Variants in MYO1E observed in about 807,000 individuals in gnomAD.
The protein encoded by MYO1E is myosin IE, also known as unconventional myosin-Ie.
Under a neutral mutation model 151.1 loss-of-function variants are expected in MYO1E, and 68 were observed. The ratio of observed to expected loss-of-function variants is 0.45; its 90% CI spans 0.37 to 0.55. The LOEUF (loss-of-function observed/expected upper bound fraction) is 0.55, where lower values mean the gene tolerates loss of function less well. Among genes scored for constraint, MYO1E ranks in the 20% least tolerant of loss-of-function variants. The pLI is 0.00. For missense variants in MYO1E, 1,363 were observed against 1,389.3 expected (o/e 0.98, Z 0.30); for synonymous variants, 601 against 501.7 (o/e 1.20, Z -2.64).
intron 1 of MYO1E, among the ~76,000 whole-genome samples, chr15:59,293,631 T>C (rs1344521799): frequency 6.6e-6 from 1 of 152,158 alleles, no homozygotes; most frequent in East Asian, 1.9e-4. Context: ...ATCTAAAATA[T>C]TAAGCCCCTA....
chr15:59,252,526 C>A (rs1596385793), intron 4 of MYO1E, among the ~76,000 whole-genome samples: 1 of 152,106 alleles, frequency 6.6e-6, no homozygotes, highest in Non-Finnish European at 1.5e-5. Context: ...ACCAGCCTGG[C>A]CAACATGGGG....
intron 1 of MYO1E, among the ~76,000 whole-genome samples, chr15:59,321,334 T>C (rs746760467): frequency 3.3e-5 from 5 of 152,226 alleles, no homozygotes; most frequent in African/African-American, 4.8e-5. Context: ...TTACTGGGTA[T>C]ACATCGAAAA....
chr15:59,209,004 C>T, intron 13 of MYO1E, 156 bp from the exon 14 acceptor site: 2 of 885,072 alleles, frequency 2.3e-6, no homozygotes, highest in Non-Finnish European at 3.6e-6. Context: ...AATTAATAGT[C>T]CCAAATAGGG....
chr15:59,256,192 G>T, intron 4 of MYO1E, 92 bp downstream of exon 4: 1 of 914,274 alleles, frequency 1.1e-6, no homozygotes. Flanking sequence ...GACATCAGTA[G>T]CTGTTGCAAA....
intron 21 of MYO1E, among the ~76,000 whole-genome samples, chr15:59,172,364 G>A (rs990538703): frequency 6.6e-6 from 1 of 152,080 alleles, no homozygotes; most frequent in African/African-American, 2.4e-5. Flanking sequence ...CTCAAAAAAA[G>A]GTGGACAGAC....
chr15:59,271,290 ATTC>A (rs1237978687), intron 2 of MYO1E: 1 of 152,238 alleles, frequency 6.6e-6, no homozygotes, highest in Non-Finnish European at 1.5e-5. Flanking sequence ...TGTGAAAACT[ATTC>A]TTCCCCAAGC....
chr15:59,231,840 C>T, intron 5 of MYO1E, 49 bp from the exon 6 acceptor site: 1 of 1,585,060 alleles, frequency 6.3e-7, no homozygotes, highest in Non-Finnish European at 8.7e-7. Context: ...ACACCTACCA[C>T]ACAGTGTACG....
chr15:59,369,888 C>T (rs755438811), intron 1 of MYO1E, among the ~76,000 whole-genome samples: 7 of 152,150 alleles, frequency 4.6e-5, no homozygotes, highest in African/African-American at 1.2e-4. Context: ...AAAAGACACA[C>T]GCACACACAC....
chr15:59,283,552 G>A (rs920920160), intron 1 of MYO1E, among the ~76,000 whole-genome samples: 1 of 152,188 alleles, frequency 6.6e-6, no homozygotes, highest in Non-Finnish European at 1.5e-5. Context: ...GTGCCATGAT[G>A]CATGGCATGG....
chr15:59,206,019 G>A (rs1271307301), intron 14 of MYO1E, among the ~76,000 whole-genome samples: 1 of 152,256 alleles, frequency 6.6e-6, no homozygotes, highest in East Asian at 1.9e-4. Context: ...GATCAGCTGG[G>A]ATGATGGATG....
rs1218615241 is a variant in MYO1E at position 59,202,321 on chromosome 15, C to G, written c.1698+5G>C. 3 of 1,612,526 alleles carry G rather than the reference C, an allele frequency of 1.9e-6. No homozygotes were observed. Among genetic ancestry groups the G allele is most frequent in the South Asian group, 1.1e-5 (1 of 91,066 alleles). ...AATCTATAAACTTCCTAAAATAGAA[C>G]TAACCTTTATTTTGCTTCCGGCAGT... On this transcript the variant is annotated splice_donor_5th_base_variant and intron_variant, in intron 16 of 27. Transcript: ENST00000288235.
chr15:59,296,658 T>C (rs914105133), intron 1 of MYO1E, among the ~76,000 whole-genome samples: 22 of 152,110 alleles, frequency 1.4e-4, no homozygotes, highest in African/African-American at 5.1e-4. Flanking sequence ...GCAGAGGGGA[T>C]GGAGACCTCT....
rs1566960574 is a variant in MYO1E at position 59,134,886 on chromosome 15, GGTTAGT to G, written c.*2488_*2493del. On this transcript the variant is annotated 3_prime_UTR_variant, in exon 28 of 28. Transcript: ENST00000288235. ...AGATCCACAGACTAGAGGAAACCCAGGTTAGTGTCTTAAAGGGAAAAAAGACATTTT... is the reference window on the plus strand; with the variant it reads ...AGATCCACAGACTAGAGGAAACCCAGGTCTTAAAGGGAAAAAAGACATTTT... 2.0e-5 allele frequency: 3 copies of G among 152,010 alleles called. No homozygotes were observed. 9.4% of individuals were successfully genotyped at this position (152,010 alleles called of 1,614,324 possible).
At chr15:59,207,209 T>C (rs748692507) in intron 14 of MYO1E, 1 of 1,614,220 alleles carries the variant, frequency 6.2e-7, no homozygotes, top group East Asian at 2.2e-5. Flanking sequence ...AGCATCTTAT[T>C]AAAAGGCTTG....
At chr15:59,166,460 A>ACACTAGAAAAT (rs1251023959) in intron 22 of MYO1E, among the ~76,000 whole-genome samples, 1 of 151,968 alleles carries the variant, frequency 6.6e-6, no homozygotes, top group Non-Finnish European at 1.5e-5. Context: ...ATTGCTGAAA[A>ACACTAGAAAAT]CACTAGAAAA....
chr15:59,313,333 C>T (rs28516046), intron 1 of MYO1E, among the ~76,000 whole-genome samples: 23,073 of 152,048 alleles, frequency 0.15, 2,840 homozygotes, highest in African/African-American at 0.34. Context: ...ACTGTTAATA[C>T]GCATCTGAAG....
In MYO1E at chr15:59,372,246, G is replaced by C. The variant is rs547221690; in HGVS notation, c.3+252C>G. 2.0e-5 allele frequency among the ~76,000 whole-genome samples: 3 copies of C among 152,242 alleles called. No homozygotes were observed. In the East Asian group the frequency reaches 5.8e-4, roughly 29 times the overall value. On this transcript the variant is annotated intron_variant, in intron 1 of 27. Coordinates refer to ENST00000288235, the MANE Select transcript of MYO1E (RefSeq NM_004998.4). ...TGGCTTCCGACAGCTGGCAGCCATA[G>C]CAACCCGGCCACAGAAAGTTTCGCG...
rs1365048749 is a variant in MYO1E, at chr15:59,134,505, GT to G, written c.*2874del. 2.0e-5 allele frequency: 3 copies of G among 152,180 alleles called. No homozygotes were observed. The highest frequency in any genetic ancestry group is 7.2e-5 in the African/African-American group (3 of 41,418). 9.4% of individuals were successfully genotyped at this position (152,180 alleles called of 1,614,324 possible). A position where few individuals can be genotyped will look rare whatever the true frequency, so the allele number is the denominator to read the frequency against. On this transcript the variant is annotated 3_prime_UTR_variant, in exon 28 of 28. Coordinates refer to ENST00000288235, the MANE Select transcript of MYO1E (RefSeq NM_004998.4). Reference sequence around the variant, plus strand: ...AGGAGTTTCAGATCAGCCTCTCTCTGTCTCACAGACGGCCATCAGTAGAGTG... The same window carrying G: ...AGGAGTTTCAGATCAGCCTCTCTCTGCTCACAGACGGCCATCAGTAGAGTG...
intron 14 of MYO1E, 50 bp downstream of exon 14, chr15:59,208,631 A>C: frequency 6.2e-7 from 1 of 1,609,174 alleles, no homozygotes. Context: ...ACCAGATCAC[A>C]AACCCAAAGG....
Sources: gnomAD v4.1 joint callset for allele counts (sites outside exome capture counted in the v4.1 genomes callset) on GRCh38, gnomAD v4.1.1 for gene constraint, MANE v1.5 for transcripts, NCBI Gene and HGNC (gene_info 2026-07-23, HGNC 2026-07-21) for gene names.